PCDHGB1: variants seen among roughly 807,000 people sequenced by gnomAD.
PCDHGB1 encodes the protein protocadherin gamma subfamily B, 1.
A neutral mutation model predicts 56.6 loss-of-function variants in PCDHGB1; 34 were observed. The ratio of observed to expected loss-of-function variants is 0.60; its 90% CI spans 0.46 to 0.80. The LOEUF is 0.80. PCDHGB1 is among the 30% of genes least tolerant of loss of function. The probability of loss-of-function intolerance (pLI) is 0.00; values close to 1 mark genes in which losing one functional copy is unlikely to be tolerated. For missense variants in PCDHGB1, 1,278 were observed against 1,204.6 expected (o/e 1.06, Z -0.90); for synonymous variants, 561 against 505.9 (o/e 1.11, Z -1.46).
chr5:141,412,233 A>G (rs866840267), intron 1 of PCDHGB1: 4 of 152,256 alleles, frequency 2.6e-5, no homozygotes, highest in Admixed American at 6.5e-5. Context: ...TTAAAAACCT[A>G]TATCACTACA....
At chr5:141,480,198 G>A (rs1280951298) in intron 1 of PCDHGB1, among the ~76,000 whole-genome samples, 2 of 150,780 alleles carry the variant, frequency 1.3e-5, no homozygotes, top group African/African-American at 4.9e-5. Flanking sequence ...GAGGCCAGCA[G>A]TTCAAGACCA....
rs551414580 is a variant in PCDHGB1, at chr5:141,493,693, C to T, written c.2410-1114C>T. ...GCCCCAGAATGGTGCTGGTGACTCC[C>T]GATACACCTGGAATGCTAGGTTTCT... On this transcript the variant is annotated intron_variant, in intron 1 of 3. Coordinates refer to ENST00000523390, the MANE Select transcript of PCDHGB1 (RefSeq NM_018922.3). This position sits in a 1 kb window ranked among gnomAD's most constrained non-coding sequence, Gnocchi z 4.3. 5.3e-5 allele frequency among the ~76,000 whole-genome samples: 8 copies of T among 152,168 alleles called. No individual in the cohort carries two copies. Among genetic ancestry groups the T allele is most frequent in the Non-Finnish European group, 1.0e-4 (7 of 68,032 alleles).
At chr5:141,503,396 A>G (rs1025780031) in intron 2 of PCDHGB1, among the ~76,000 whole-genome samples, 2 of 151,944 alleles carry the variant, frequency 1.3e-5, no homozygotes, top group African/African-American at 2.4e-5. Flanking sequence ...GGAGTTCGAA[A>G]CCAACCTGGC....
chr5:141,487,442 G>A lies in PCDHGB1; in HGVS notation c.2410-7365G>A, dbSNP rs749842864. 1 of 1,613,918 alleles carries A rather than the reference G, an allele frequency of 6.2e-7. No homozygotes were observed. Among genetic ancestry groups the A allele is most frequent in the Non-Finnish European group, 8.5e-7 (1 of 1,179,798 alleles). On this transcript the variant is annotated intron_variant, in intron 1 of 3. Coordinates refer to ENST00000523390, the MANE Select transcript of PCDHGB1 (RefSeq NM_018922.3). The surrounding 1 kb of genome is among the most constrained non-coding windows in gnomAD (Gnocchi z 5.0). ...GATCCTCCGAATCCAGCTAGGGTCA[G>A]ATGACCCTATCAAGTTTGTTGATGT...
chr5:141,390,231 T>C, intron 1 of PCDHGB1: 1 of 1,614,086 alleles, frequency 6.2e-7, no homozygotes, highest in South Asian at 1.1e-5. Flanking sequence ...CGGTGATTCA[T>C]CTGGGGCCTT....
chr5:141,472,980 C>CAAAAAAAAA (rs60579131), intron 1 of PCDHGB1, among the ~76,000 whole-genome samples: 30 of 86,054 alleles, frequency 3.5e-4, no homozygotes, highest in African/African-American at 5.0e-4. Context: ...GAGTGAAACT[C>CAAAAAAAAA]AAAAAAAAAA....
In PCDHGB1 at chr5:141,381,098, G is replaced by A. The variant is rs114784627; in HGVS notation, c.2409+28429G>A. Reference sequence around the variant, plus strand: ...TTATTTTGATAGATCAAAACAGAATGTCCTTCAAAGTGTTCCCTGTATTCT... The same window carrying A: ...TTATTTTGATAGATCAAAACAGAATATCCTTCAAAGTGTTCCCTGTATTCT... On this transcript the variant is annotated intron_variant, in intron 1 of 3. Transcript: ENST00000523390. 2.4e-3 allele frequency among the ~76,000 whole-genome samples: 370 copies of A among 152,320 alleles called. 4 individuals carry two copies. Among genetic ancestry groups the A allele is most frequent in the African/African-American group, 8.6e-3 (357 of 41,576 alleles).
At chr5:141,467,055 C>CTTTTTTTTTTT (rs1193465269) in intron 1 of PCDHGB1, among the ~76,000 whole-genome samples, 1 of 134,498 alleles carries the variant, frequency 7.4e-6, no homozygotes, top group Non-Finnish European at 1.6e-5. Context: ...TCAATGTTTT[C>CTTTTTTTTTTT]TTTTTTTTTT....
At chr5:141,376,367 G>A in intron 1 of PCDHGB1, 1 of 1,614,224 alleles carries the variant, frequency 6.2e-7, no homozygotes, top group Non-Finnish European at 8.5e-7. Context: ...ACTCACTGCA[G>A]ACTCGCGTAA....
intron 1 of PCDHGB1, chr5:141,419,448 TC>T: frequency 6.2e-7 from 1 of 1,612,980 alleles, no homozygotes; most frequent in Non-Finnish European, 8.5e-7. Context: ...ACCTTCGAGC[TC>T]ACGCTGCAGG....
Position 141,477,689 on chromosome 5 carries a change from C to T in PCDHGB1, c.2410-17118C>T. The T allele has an allele frequency of 6.2e-7, 1 of 1,614,156 alleles. No individual in the cohort carries two copies. The highest frequency in any genetic ancestry group is 8.5e-7 in the Non-Finnish European group (1 of 1,180,024). ...TGGCATAGTGTCATCCTTAGTGCCC[C>T]TAGACTATGAGGATCGGCGGGAATT... On this transcript the variant is annotated intron_variant, in intron 1 of 3. Transcript: ENST00000523390. This position sits in a 1 kb window ranked among gnomAD's most constrained non-coding sequence, Gnocchi z 4.9.
chr5:141,498,065 G>C (rs1197771947), intron 2 of PCDHGB1, among the ~76,000 whole-genome samples: 1 of 152,220 alleles, frequency 6.6e-6, no homozygotes, highest in Non-Finnish European at 1.5e-5. Context: ...GACTGAAACT[G>C]TCATAAGTGC....
intron 1 of PCDHGB1, chr5:141,394,262 G>A: frequency 6.2e-7 from 1 of 1,613,952 alleles, no homozygotes; most frequent in Non-Finnish European, 8.5e-7. Flanking sequence ...ACAGCCAGGA[G>A]AATGCCCAGG....
At position 141,491,613 on chromosome 5, in the gene PCDHGB1, A is replaced by AC; in HGVS notation, c.2410-3190dup. On this transcript the variant is annotated intron_variant, in intron 1 of 3. Coordinates refer to ENST00000523390, the MANE Select transcript of PCDHGB1 (RefSeq NM_018922.3). The surrounding 1 kb of genome is among the most constrained non-coding windows in gnomAD (Gnocchi z 6.9). Reference sequence around the variant, plus strand: ...ACGGCAGTGACTTCACTTTTCTAAGACCCCTCAGCGTTCAGCAGCCCACAG... The same window carrying AC: ...ACGGCAGTGACTTCACTTTTCTAAGACCCCCTCAGCGTTCAGCAGCCCACAG... 6.2e-7 allele frequency: 1 copy of AC among 1,613,568 alleles called. No homozygotes were observed. Among genetic ancestry groups the AC allele is most frequent in the Non-Finnish European group, 8.5e-7 (1 of 1,179,968 alleles).
chr5:141,455,577 C>T (rs1000865176), intron 1 of PCDHGB1, among the ~76,000 whole-genome samples: 3 of 152,120 alleles, frequency 2.0e-5, no homozygotes, highest in East Asian at 1.9e-4. Context: ...CCCACCCCAG[C>T]CTTTTAATAT....
At chr5:141,418,287 G>C in intron 1 of PCDHGB1, 1 of 1,614,020 alleles carries the variant, frequency 6.2e-7, no homozygotes, top group South Asian at 1.1e-5. Context: ...TTAGAAATCA[G>C]TGAATCCGTC....
intron 1 of PCDHGB1, chr5:141,391,032 T>C (rs908748282): frequency 2.0e-5 from 3 of 152,212 alleles, no homozygotes; most frequent in African/African-American, 7.2e-5. Context: ...AAGACAATGT[T>C]TTGTGTCTGT....
At chr5:141,458,870 C>G (rs540373442) in intron 1 of PCDHGB1, among the ~76,000 whole-genome samples, 1 of 152,264 alleles carries the variant, frequency 6.6e-6, no homozygotes, top group South Asian at 2.1e-4. Flanking sequence ...GTAGCTGGGA[C>G]TACAGGCATG....
intron 1 of PCDHGB1, among the ~76,000 whole-genome samples, chr5:141,438,591 C>CATACAT (rs1228520343): frequency 1.3e-5 from 1 of 75,562 alleles, no homozygotes; most frequent in Non-Finnish European, 2.7e-5. Flanking sequence ...TACATACATA[C>CATACAT]ATATATATAT....
Sources: gnomAD v4.1 joint callset for allele counts (sites outside exome capture counted in the v4.1 genomes callset) on GRCh38, gnomAD v4.1.1 for gene constraint, Gnocchi (gnomAD v3.1) non-coding constraint, MANE v1.5 for transcripts, NCBI Gene and HGNC (gene_info 2026-07-23, HGNC 2026-07-21) for gene names.